The following SLC1A2 variants were observed in gnomAD, a reference collection of about 807,000 sequenced individuals.
SLC1A2 encodes the protein excitatory amino acid transporter 2.
A neutral mutation model predicts 48.8 loss-of-function variants in SLC1A2; 15 were observed. That is an observed-to-expected ratio of 0.31 (90% CI 0.21 to 0.47). The LOEUF (loss-of-function observed/expected upper bound fraction) is 0.47, where lower values mean the gene tolerates loss of function less well. Ranked by LOEUF, SLC1A2 falls within the 20% of genes least tolerant of loss-of-function variation. The pLI is 0.99. For synonymous variants in SLC1A2, 279 were observed against 272.6 expected (o/e 1.02, Z -0.23); for missense variants, 502 against 730.5 (o/e 0.69, Z 3.61).
At chr11:35,398,935 C>T (rs943617921) in intron 1 of SLC1A2, among the ~76,000 whole-genome samples, 12 of 152,218 alleles carry the variant, frequency 7.9e-5, no homozygotes, top group Admixed American at 2.6e-4. Flanking sequence ...CTGTGAAATA[C>T]ATGAGAATAA....
At chr11:35,351,857 A>G (rs1320043357) in intron 1 of SLC1A2, among the ~76,000 whole-genome samples, 1 of 152,028 alleles carries the variant, frequency 6.6e-6, no homozygotes, top group Non-Finnish European at 1.5e-5. Flanking sequence ...GCTGGTCTCA[A>G]ACTCCTGACA....
At chr11:35,324,230 A>C (rs1415298306) in intron 1 of SLC1A2, among the ~76,000 whole-genome samples, 1 of 152,262 alleles carries the variant, frequency 6.6e-6, no homozygotes, top group African/African-American at 2.4e-5. Context: ...GTAGCAGGAG[A>C]CAAAGTTTTC....
At chr11:35,281,057 AC>A in intron 8 of SLC1A2, 56 bp from the exon 9 acceptor site, 1 of 1,477,222 alleles carries the variant, frequency 6.8e-7, no homozygotes, top group Non-Finnish European at 9.0e-7. Flanking sequence ...AGCAAAACCA[AC>A]CCTGGCAATT....
At chr11:35,261,828 A>G (rs1950398899) in intron 10 of SLC1A2, 1 of 397,884 alleles carries the variant, frequency 2.5e-6, no homozygotes, top group Non-Finnish European at 4.4e-6. Context: ...CCCAAGTGGA[A>G]GTGAAATGCA....
At chr11:35,302,845 C>T (rs150709703) in intron 5 of SLC1A2, among the ~76,000 whole-genome samples, 9 of 149,872 alleles carry the variant, frequency 6.0e-5, no homozygotes, top group African/African-American at 2.2e-4. Flanking sequence ...TTCTAATTTC[C>T]AATCCCCATG....
At chr11:35,383,281 T>C (rs1854487540) in intron 1 of SLC1A2, among the ~76,000 whole-genome samples, 2 of 152,240 alleles carry the variant, frequency 1.3e-5, no homozygotes, top group Admixed American at 6.5e-5. Flanking sequence ...GGGACCTGGG[T>C]AAATTAATTT....
At chr11:35,263,285 G>A (rs2134598670) in intron 10 of SLC1A2, among the ~76,000 whole-genome samples, 1 of 152,242 alleles carries the variant, frequency 6.6e-6, no homozygotes, top group Middle Eastern at 3.4e-3. Flanking sequence ...GACCAACATG[G>A]AGAAACCCCA....
intron 1 of SLC1A2, among the ~76,000 whole-genome samples, chr11:35,326,091 A>G (rs193001739): frequency 1.6e-3 from 246 of 152,036 alleles, no homozygotes; most frequent in Admixed American, 3.0e-3. Context: ...TGCCCTGACC[A>G]AGGATGGTGG....
rs115760858 is a variant in SLC1A2, at chr11:35,346,214, T to A, written c.18-28698A>T. On this transcript the variant is annotated intron_variant, in intron 1 of 10. Transcript: ENST00000278379. Reference sequence around the variant, plus strand: ...TAATGCTATCCCTCCCCTAGACCCATGTTCTTAATGCATCTTAGCCATGGC... The same window carrying A: ...TAATGCTATCCCTCCCCTAGACCCAAGTTCTTAATGCATCTTAGCCATGGC... 1.4e-3 allele frequency among the ~76,000 whole-genome samples: 211 copies of A among 152,336 alleles called. 1 individual carries two copies. The highest frequency in any genetic ancestry group is 5.1e-3 in the African/African-American group (210 of 41,578).
intron 5 of SLC1A2, among the ~76,000 whole-genome samples, chr11:35,302,113 T>G (rs1340291112): frequency 1.3e-5 from 2 of 152,232 alleles, no homozygotes; most frequent in East Asian, 1.9e-4. Context: ...TTTGGTATTA[T>G]CCCAAATCAA....
chr11:35,298,290 G>C (rs1851234228), intron 6 of SLC1A2: 1 of 152,140 alleles, frequency 6.6e-6, no homozygotes, highest in South Asian at 2.1e-4. Flanking sequence ...AACCGAAATA[G>C]TACTGAGCAT....
intron 7 of SLC1A2, among the ~76,000 whole-genome samples, chr11:35,290,571 T>C (rs1053553861): frequency 1.3e-5 from 2 of 152,058 alleles, no homozygotes; most frequent in Non-Finnish European, 2.9e-5. Flanking sequence ...TCTTCAAAAT[T>C]GTATTCACTG....
rs1358618942 is a variant in SLC1A2 at position 35,258,867 on chromosome 11, G to A, written c.*2027C>T. 1 of 150,906 alleles carries A rather than the reference G, an allele frequency of 6.6e-6. No homozygotes were observed. Among genetic ancestry groups the A allele is most frequent in the African/African-American group, 2.4e-5 (1 of 40,848 alleles). 9.3% of individuals were successfully genotyped at this position (150,906 alleles called of 1,614,324 possible). ...AGACAGGAGAATCGCTTGAACTAGA[G>A]AGGTGGACATTGCAGTGCAGTGAGC... On this transcript the variant is annotated 3_prime_UTR_variant, in exon 11 of 11. Transcript: ENST00000278379.
intron 1 of SLC1A2, among the ~76,000 whole-genome samples, chr11:35,371,687 A>G (rs943901919): frequency 5.3e-5 from 8 of 150,104 alleles, no homozygotes. Context: ...CAATTAGCTG[A>G]ATTAACAGGC....
Position 35,315,086 on chromosome 11 carries a change from C to T in SLC1A2, c.247G>A (p.Asp83Asn). ...ATTTTTAGCATCCTCATGAGTATAT[C>T]CCCTGGGAAGGCTATTAACATAACC... ...DVVMLIAFPG[D>N]ILMRMLKMLI... Residue 83 changes from aspartate (D) to asparagine (N), a missense_variant, in exon 3 of 11, where the codon GAT becomes AAT. Physicochemically the swap from Asp to Asn is conservative, Grantham distance 23 (BLOSUM62 1). Coordinates refer to ENST00000278379, the MANE Select transcript of SLC1A2 (RefSeq NM_004171.4). The T allele has an allele frequency of 2.5e-6, 4 of 1,612,396 alleles. No individual in the cohort carries two copies. In the South Asian group the frequency reaches 3.3e-5, roughly 13 times the overall value.
intron 1 of SLC1A2, among the ~76,000 whole-genome samples, chr11:35,399,843 A>G (rs183295392): frequency 9.2e-5 from 14 of 152,346 alleles, no homozygotes; most frequent in African/African-American, 2.9e-4. Context: ...CATTTTTAAA[A>G]TGACAATTTC....
rs1950248938 is a variant in SLC1A2, at chr11:35,252,246, C to A, written c.*8648G>T. The A allele has an allele frequency of 6.6e-6, 1 of 152,534 alleles. No homozygotes were observed. The highest frequency in any genetic ancestry group is 2.1e-4 in the South Asian group (1 of 4,818). 9.4% of individuals were successfully genotyped at this position (152,534 alleles called of 1,614,324 possible). A position where few individuals can be genotyped will look rare whatever the true frequency, so the allele number is the denominator to read the frequency against. On this transcript the variant is annotated 3_prime_UTR_variant, in exon 11 of 11. Coordinates refer to ENST00000278379, the MANE Select transcript of SLC1A2 (RefSeq NM_004171.4). ...CCCTGACTCAAAAATCCAAGGGAGACAAGGCTCCTCAGAACCTTTAAGTCA... is the reference window on the plus strand; with the variant it reads ...CCCTGACTCAAAAATCCAAGGGAGAAAAGGCTCCTCAGAACCTTTAAGTCA...
At chr11:35,326,756 A>C (rs1281634428) in intron 1 of SLC1A2, among the ~76,000 whole-genome samples, 1 of 152,184 alleles carries the variant, frequency 6.6e-6, no homozygotes, top group Non-Finnish European at 1.5e-5. Flanking sequence ...GCTTCCTCAA[A>C]AGTTCCCTGG....
intron 1 of SLC1A2, among the ~76,000 whole-genome samples, chr11:35,336,098 T>C (rs1287427761): frequency 1.5e-5 from 2 of 135,092 alleles, no homozygotes; most frequent in African/African-American, 5.7e-5. Context: ...TTTTCACTTA[T>C]AAGTAGGAGC....
Sources: allele counts gnomAD v4.1 joint callset (sites outside exome capture counted in the v4.1 genomes callset), GRCh38; gene constraint gnomAD v4.1.1; transcripts MANE v1.5; gene names NCBI Gene and HGNC (gene_info 2026-07-23, HGNC 2026-07-21).